SIPA1: variants seen among roughly 807,000 people sequenced by gnomAD.
SIPA1 encodes signal-induced proliferation-associated 1.
A neutral mutation model predicts 88.1 loss-of-function variants in SIPA1; 51 were observed. That is an observed-to-expected ratio of 0.58 (90% CI 0.46 to 0.73). SIPA1 has a LOEUF of 0.73. Among genes scored for constraint, SIPA1 ranks in the 30% least tolerant of loss-of-function variants. The pLI is 0.00. For missense variants in SIPA1, 1,348 were observed against 1,467.6 expected, an observed-to-expected ratio of 0.92 and a Z score of 1.33; for synonymous variants, 681 against 664.8, an observed-to-expected ratio of 1.02 and a Z score of -0.37.
rs751749558 is a variant in SIPA1, at chr11:65,649,943, C to T, written c.2747-7C>T. ...TCCCTAGCTCAGCCTGCTCCTTGTG[C>T]CCACAGTCATGTCGGAGGCGGGCAG... is the stretch of plus-strand genomic sequence containing the variant. On this transcript the variant is annotated splice_region_variant and splice_polypyrimidine_tract_variant and intron_variant, in intron 12 of 15. Transcript: ENST00000534313. 1.2e-6 allele frequency: 2 copies of T among 1,613,890 alleles called. No individual in the cohort carries two copies. Among genetic ancestry groups the T allele is most frequent in the African/African-American group, 1.3e-5 (1 of 75,014 alleles).
intron 8 of SIPA1, 133 bp downstream of exon 8, chr11:65,647,198 C>T: frequency 1.4e-6 from 2 of 1,408,130 alleles, no homozygotes; most frequent in Non-Finnish European, 1.8e-6. Context: ...AGCCCCGGGG[C>T]TTGGCAAGGC....
At chr11:65,650,111 G>A in intron 13 of SIPA1, 27 bp from the exon 14 acceptor site, 2 of 1,613,928 alleles carry the variant, frequency 1.2e-6, no homozygotes, top group South Asian at 2.2e-5. Context: ...TTTCTGACCT[G>A]CCCACCTGAT....
At chr11:65,645,249 G>A (rs536959373) in intron 5 of SIPA1, 120 bp downstream of exon 5, 75 of 1,027,452 alleles carry the variant, frequency 7.3e-5, no homozygotes, top group Admixed American at 1.5e-4. Context: ...TTCTTTGGGT[G>A]AGCTAAGGAT....
chr11:65,650,360 C>T, intron 14 of SIPA1, 41 bp from the exon 15 acceptor site: 1 of 1,604,734 alleles, frequency 6.2e-7, no homozygotes, highest in Non-Finnish European at 8.5e-7. Flanking sequence ...TGCACTGCCC[C>T]CTGCCTTGGT....
chr11:65,645,280 C>G (rs1228237957), intron 5 of SIPA1, 151 bp downstream of exon 5: 1 of 767,422 alleles, frequency 1.3e-6, no homozygotes, highest in African/African-American at 1.8e-5. Context: ...GCTATGAGGG[C>G]CAAGCTATGG....
In SIPA1 at chr11:65,646,027, T is replaced by C; in HGVS notation, c.1263+70T>C. ...GAGGGCCCTGCATGGCCCATGACGT[T>C]TGAGCTTTGGCCGGAGCTCTGTTGG... On this transcript the variant is annotated intron_variant, in intron 6 of 15. Transcript: ENST00000534313. The surrounding 1 kb of genome is among the most constrained non-coding windows in gnomAD (Gnocchi z 7.5). 1 of 1,359,036 alleles carries C rather than the reference T, an allele frequency of 7.4e-7. No homozygotes were observed. Among genetic ancestry groups the C allele is most frequent in the South Asian group, 1.2e-5 (1 of 80,328 alleles). The allele number at this position is 1,359,036 out of a possible 1,614,324, so 84.2% of individuals were successfully genotyped here.
Position 65,640,884 on chromosome 11 carries a change from A to G in SIPA1, c.-38A>G. On this transcript the variant is annotated 5_prime_UTR_variant, in exon 2 of 16. Transcript: ENST00000534313. ...TGGGCACCAAACACCCGTGCCCGCCAATGCGGCCCAGCCCCCGGAGAGTCA... is the reference window on the plus strand; with the variant it reads ...TGGGCACCAAACACCCGTGCCCGCCGATGCGGCCCAGCCCCCGGAGAGTCA... 3 of 1,443,598 alleles carry G rather than the reference A, an allele frequency of 2.1e-6. No homozygotes were observed. The highest frequency in any genetic ancestry group is 2.7e-6 in the Non-Finnish European group (3 of 1,104,188). The allele number at this position is 1,443,598 out of a possible 1,614,324, so 89.4% of individuals were successfully genotyped here.
chr11:65,646,029 G>A lies in SIPA1; in HGVS notation c.1263+72G>A. The A allele has an allele frequency of 1.5e-6, 2 of 1,354,066 alleles. No individual in the cohort carries two copies. Among genetic ancestry groups the A allele is most frequent in the South Asian group, 2.5e-5 (2 of 79,966 alleles). 83.9% of individuals were successfully genotyped at this position (1,354,066 alleles called of 1,614,324 possible). A position where few individuals can be genotyped will look rare whatever the true frequency, so the allele number is the denominator to read the frequency against. ...GGGCCCTGCATGGCCCATGACGTTT[G>A]AGCTTTGGCCGGAGCTCTGTTGGCC... On this transcript the variant is annotated intron_variant, in intron 6 of 15. Transcript: ENST00000534313. This position sits in a 1 kb window ranked among gnomAD's most constrained non-coding sequence, Gnocchi z 7.5.
At position 65,649,965 on chromosome 11, in the gene SIPA1, G is replaced by A. The variant is rs72556578; in HGVS notation, c.2762G>A (p.Gly921Asp). Residue 921 changes from glycine to aspartate, a missense_variant, in exon 13 of 16, where the codon GGC becomes GAC. Gly to Asp is a moderately conservative substitution (Grantham distance 94, BLOSUM62 -1). Around this residue, in one of 4 missense-constraint regions of SIPA1, gnomAD observed 615 missense variants for 559.8 expected, o/e 1.10. Coordinates refer to ENST00000534313, the MANE Select transcript of SIPA1 (RefSeq NM_006747.4). ...GTGCCCACAGTCATGTCGGAGGCGG[G>A]CAGTGGGACCCTGGAGGACGAGTGG... The part of the protein sequence containing the change: ...NSISRIMSEA[G>D]SGTLEDEWQA... The A allele has an allele frequency of 3.1e-6, 5 of 1,614,006 alleles. No individual in the cohort carries two copies. The highest frequency in any genetic ancestry group is 4.2e-6 in the Non-Finnish European group (5 of 1,179,996).
chr11:65,644,880 C>A, intron 4 of SIPA1, 75 bp from the exon 5 acceptor site: 1 of 1,470,056 alleles, frequency 6.8e-7, no homozygotes, highest in Non-Finnish European at 9.3e-7. Flanking sequence ...GGCCAGCGTC[C>A]CATCCATTCC....
chr11:65,640,680 T>C, intron 1 of SIPA1, 151 bp from the exon 2 acceptor site: 1 of 485,672 alleles, frequency 2.1e-6, no homozygotes, highest in South Asian at 3.6e-5. Flanking sequence ...ACTTTAGCCC[T>C]AGGCAGACAA....
rs1856006136 is a variant in SIPA1, at chr11:65,641,618, C to A, written c.679+18C>A. 5 of 1,589,480 alleles carry A rather than the reference C, an allele frequency of 3.1e-6. No homozygotes were observed. The highest frequency in any genetic ancestry group is 4.3e-6 in the Non-Finnish European group (5 of 1,167,696). On this transcript the variant is annotated intron_variant, in intron 2 of 15. Transcript: ENST00000534313. ...TGGCAAAGGTGAGGAAAGGCAGTTCCAGGGAGTGGAGGAGGGGGGCTGAAG... is the reference window on the plus strand; with the variant it reads ...TGGCAAAGGTGAGGAAAGGCAGTTCAAGGGAGTGGAGGAGGGGGGCTGAAG...
rs1392480750 is a variant in SIPA1, at chr11:65,650,746, C to T, written c.*31C>T. 6.6e-7 allele frequency: 1 copy of T among 1,524,954 alleles called. No individual in the cohort carries two copies. The highest frequency in any genetic ancestry group is 1.2e-5 in the South Asian group (1 of 81,366). The allele number at this position is 1,524,954 out of a possible 1,614,324, so 94.5% of individuals were successfully genotyped here. A position where few individuals can be genotyped will look rare whatever the true frequency, so the allele number is the denominator to read the frequency against. On this transcript the variant is annotated 3_prime_UTR_variant, in exon 16 of 16. Transcript: ENST00000534313. ...CTGGAACCACCTGGGCCCCTGAGGG[C>T]ACTGTGGTCACACTGGGCCCTCCTC...
rs540171854 is a variant in SIPA1 at position 65,647,318 on chromosome 11, G to T, written c.2032-66G>T. On this transcript the variant is annotated intron_variant, in intron 8 of 15. Transcript: ENST00000534313. ...TCCGTGTGGCCTGGGACGCAGTCCA[G>T]GGGGCGGGCGCTGGGGCGGCCCCAC... 269 of 1,368,958 alleles carry T rather than the reference G, an allele frequency of 2.0e-4. No homozygotes were observed. In the African/African-American group the frequency reaches 3.7e-3, roughly 19 times the overall value. The allele number at this position is 1,368,958 out of a possible 1,614,324, so 84.8% of individuals were successfully genotyped here.
At chr11:65,645,236 G>C in intron 5 of SIPA1, 107 bp downstream of exon 5, 7 of 1,155,888 alleles carry the variant, frequency 6.1e-6, no homozygotes, top group Non-Finnish European at 8.7e-6. Context: ...GGGGACTGGA[G>C]AGTTCTTTGG....
At position 65,641,392 on chromosome 11, in the gene SIPA1, C is replaced by G; in HGVS notation, c.471C>G (p.Asp157Glu). 1 of 1,613,264 alleles carries G rather than the reference C, an allele frequency of 6.2e-7. No individual in the cohort carries two copies. Among genetic ancestry groups the G allele is most frequent in the East Asian group, 2.2e-5 (1 of 44,888 alleles). Residue 157 changes from aspartate to glutamate, a missense_variant, in exon 2 of 16, where the codon GAC (aspartate) becomes GAG (glutamate). Physicochemically the swap from Asp to Glu is conservative, Grantham distance 45 (BLOSUM62 2). Around this residue, in one of 4 missense-constraint regions of SIPA1, gnomAD observed 641 missense variants for 797.7 expected, o/e 0.80. Coordinates refer to ENST00000534313, the MANE Select transcript of SIPA1 (RefSeq NM_006747.4). Reference protein sequence around the residue: ...ASAEDQAASSDLLHGAPGFVC... With the variant: ...ASAEDQAASSELLHGAPGFVC... ...CCGAGGACCAGGCTGCCAGCTCGGA[C>G]CTGCTGCATGGGGCACCTGGCTTTG...
chr11:65,649,166 G>A, intron 9 of SIPA1, 96 bp from the exon 10 acceptor site: 1 of 879,284 alleles, frequency 1.1e-6, no homozygotes, highest in Non-Finnish European at 1.7e-6. Flanking sequence ...GAGCTCTCCT[G>A]CTCCTGGAAG....
chr11:65,646,793 G>A lies in SIPA1; in HGVS notation c.1759G>A (p.Ala587Thr). ...GGGCTCACTGGTGTGGGGAGTGCGCGCGGCGCCCGGGGCGCGGGTCGCCGC... is the reference window on the plus strand; with the variant it reads ...GGGCTCACTGGTGTGGGGAGTGCGCACGGCGCCCGGGGCGCGGGTCGCCGC... ...AAGSLVWGVR[A>T]APGARVAAGA... The change falls in exon 8 of 16, where the codon GCG (alanine) becomes ACG (threonine). Residue 587 changes from alanine (A) to threonine (T), a missense_variant. By Grantham distance (58) the Ala-to-Thr change is moderately conservative. Coordinates refer to ENST00000534313, the MANE Select transcript of SIPA1 (RefSeq NM_006747.4). The surrounding 1 kb of genome is among the most constrained non-coding windows in gnomAD (Gnocchi z 7.5). 7.6e-7 allele frequency: 1 copy of A among 1,308,004 alleles called. No individual in the cohort carries two copies. The highest frequency in any genetic ancestry group is 3.3e-5 in the East Asian group (1 of 29,978). The allele number at this position is 1,308,004 out of a possible 1,614,324, so 81.0% of individuals were successfully genotyped here. A position where few individuals can be genotyped will look rare whatever the true frequency, so the allele number is the denominator to read the frequency against.
chr11:65,647,421 TGC>T lies in SIPA1; in HGVS notation c.2070_2071del (p.Asp693ArgfsTer90). 2 of 1,472,798 alleles carry T rather than the reference TGC, an allele frequency of 1.4e-6. No individual in the cohort carries two copies. Among genetic ancestry groups the T allele is most frequent in the Non-Finnish European group, 1.8e-6 (2 of 1,119,160 alleles). The allele number at this position is 1,472,798 out of a possible 1,614,324, so 91.2% of individuals were successfully genotyped here. On this transcript the variant is annotated frameshift_variant, in exon 9 of 16. Coordinates refer to ENST00000534313, the MANE Select transcript of SIPA1 (RefSeq NM_006747.4). LOFTEE classifies it high-confidence loss of function. ...GGCTGCGAGACCCGCGAGCTGGCGC[TGC>T]CCCGCGACGGTCAAGGCCGCCTGGG...
Sources: gnomAD v4.1 joint callset for allele counts on GRCh38, gnomAD v4.1.1 for gene constraint, gnomAD v4.1.1 regional missense constraint, Gnocchi (gnomAD v3.1) non-coding constraint, MANE v1.5 for transcripts, NCBI Gene and HGNC (gene_info 2026-07-23, HGNC 2026-07-21) for gene names.